RALYL: variants seen among roughly 807,000 people sequenced by gnomAD.
The protein encoded by RALYL is RALY RNA binding protein like.
A neutral mutation model predicts 35.1 loss-of-function variants in RALYL; 29 were observed. That is an observed-to-expected ratio of 0.83 (90% CI 0.61 to 1.13). The LOEUF (loss-of-function observed/expected upper bound fraction) is 1.13, where lower values mean the gene tolerates loss of function less well. Among genes scored for constraint, RALYL ranks in the 50% most tolerant of loss-of-function variants. The pLI, the probability that RALYL is intolerant of heterozygous loss-of-function variation, is 0.00. For missense variants in RALYL, 359 were observed against 360.4 expected (o/e 1.00, Z 0.03); for synonymous variants, 120 against 127.6 (o/e 0.94, Z 0.40).
At chr8:84,311,090 A>AAAAAAAAAAAAAAATAT (rs1554614840) in intron 1 of RALYL, among the ~76,000 whole-genome samples, 5 of 99,770 alleles carry the variant, frequency 5.0e-5, no homozygotes, top group South Asian at 2.9e-4. Flanking sequence ...AAAAAAAAAA[A>AAAAAAAAAAAAAAATAT]ATGTATATTA....
intron 3 of RALYL, among the ~76,000 whole-genome samples, chr8:84,780,333 C>T (rs1002062989): frequency 3.9e-5 from 6 of 152,198 alleles, no homozygotes; most frequent in African/African-American, 1.2e-4. Flanking sequence ...ATAGCAATTG[C>T]AGTCTCTTTC....
chr8:84,250,777 A>G (rs1349970748), intron 1 of RALYL, among the ~76,000 whole-genome samples: 2 of 152,142 alleles, frequency 1.3e-5, no homozygotes, highest in Admixed American at 6.6e-5. Flanking sequence ...GGAGACTTTT[A>G]CTAAAGATTT....
intron 1 of RALYL, among the ~76,000 whole-genome samples, chr8:84,234,916 G>A (rs551096741): frequency 2.0e-5 from 3 of 151,528 alleles, no homozygotes; most frequent in East Asian, 1.9e-4. Flanking sequence ...AGGTGGGCGC[G>A]ACCATGCCCG....
At chr8:84,538,986 T>A (rs1433330861) in intron 2 of RALYL, among the ~76,000 whole-genome samples, 1 of 152,210 alleles carries the variant, frequency 6.6e-6, no homozygotes, top group Non-Finnish European at 1.5e-5. Flanking sequence ...GCAAACAAAT[T>A]GAGTATAATC....
chr8:84,863,265 G>A (rs1379434505), intron 6 of RALYL, among the ~76,000 whole-genome samples: 1 of 152,196 alleles, frequency 6.6e-6, no homozygotes, highest in African/African-American at 2.4e-5. Flanking sequence ...AGGAAGTGAG[G>A]AAAAGAGAAA....
intron 2 of RALYL, among the ~76,000 whole-genome samples, chr8:84,577,685 C>T (rs1008085940): frequency 2.6e-5 from 4 of 151,862 alleles, no homozygotes; most frequent in African/African-American, 9.7e-5. Context: ...TCACTCTAGT[C>T]TCTGCTTTAA....
At position 84,241,549 on chromosome 8, in the gene RALYL, A is replaced by G. The variant is rs1164593555; in HGVS notation, c.-24+57125A>G. ...TCCCAGCACTTTGGGAGGCTGAGGC[A>G]GGCAGATCACGAGGTCAAGAGTTCA... is the stretch of plus-strand genomic sequence containing the variant. On this transcript the variant is annotated intron_variant, in intron 1 of 8. Transcript: ENST00000521268. 3.3e-5 allele frequency among the ~76,000 whole-genome samples: 5 copies of G among 152,126 alleles called. No homozygotes were observed. The East Asian group carries it at 9.7e-4, about 30-fold the overall frequency.
rs191090374 is a variant in RALYL at position 84,475,733 on chromosome 8, T to C, written c.-23-53566T>C. 2.5e-3 allele frequency among the ~76,000 whole-genome samples: 376 copies of C among 152,330 alleles called. 13 individuals are homozygous for C. The highest frequency in any genetic ancestry group is 0.021 in the Admixed American group (329 of 15,306). Reference sequence around the variant, plus strand: ...TTGAATCTTGTGGCTAAGAAGTTATTGAAGGTATGGTCTCCAGAATTTGTT... The same window carrying C: ...TTGAATCTTGTGGCTAAGAAGTTATCGAAGGTATGGTCTCCAGAATTTGTT... On this transcript the variant is annotated intron_variant, in intron 1 of 8. Coordinates refer to ENST00000521268, the MANE Select transcript of RALYL (RefSeq NM_173848.7).
At chr8:84,809,636 T>C (rs1825457920) in intron 4 of RALYL, among the ~76,000 whole-genome samples, 1 of 152,118 alleles carries the variant, frequency 6.6e-6, no homozygotes, top group Admixed American at 6.5e-5. Flanking sequence ...TGGTAATTTT[T>C]AAATTACCAT....
At chr8:84,464,748 G>T (rs1316998215) in intron 1 of RALYL, among the ~76,000 whole-genome samples, 1 of 151,434 alleles carries the variant, frequency 6.6e-6, no homozygotes, top group African/African-American at 2.4e-5. Flanking sequence ...CTAGTTTACA[G>T]TCCCACCAAC....
intron 1 of RALYL, among the ~76,000 whole-genome samples, chr8:84,222,314 T>C (rs1042310861): frequency 6.6e-6 from 1 of 152,170 alleles, no homozygotes; most frequent in Non-Finnish European, 1.5e-5. Context: ...TCACATTCAA[T>C]TTTCTATGTT....
intron 4 of RALYL, among the ~76,000 whole-genome samples, chr8:84,841,846 A>G (rs1424570108): frequency 1.3e-5 from 2 of 152,228 alleles, no homozygotes; most frequent in Non-Finnish European, 2.9e-5. Flanking sequence ...ATGGAAACTG[A>G]ACAACCTGCT....
chr8:84,688,349 A>G (rs893589948), intron 2 of RALYL, among the ~76,000 whole-genome samples: 7 of 152,138 alleles, frequency 4.6e-5, no homozygotes, highest in African/African-American at 9.6e-5. Context: ...TGTTGTAGTA[A>G]TCGAAACAGC....
chr8:84,185,063 T>C, intron 1 of RALYL: 1 of 1,595,496 alleles, frequency 6.3e-7, no homozygotes, highest in Non-Finnish European at 8.6e-7. Flanking sequence ...TTTGCTTTCT[T>C]AGGGATGCTG....
At chr8:84,871,622 A>G (rs1840205015) in intron 6 of RALYL, among the ~76,000 whole-genome samples, 1 of 152,172 alleles carries the variant, frequency 6.6e-6, no homozygotes, top group South Asian at 2.1e-4. Context: ...GATGTCTTTG[A>G]AGTAATTGAC....
At chr8:84,367,539 T>C (rs1298715198) in intron 1 of RALYL, among the ~76,000 whole-genome samples, 1 of 151,568 alleles carries the variant, frequency 6.6e-6, no homozygotes, top group African/African-American at 2.4e-5. Flanking sequence ...TTTCATATCT[T>C]TCAATAAGGT....
chr8:84,283,593 T>C (rs1359044022), intron 1 of RALYL, among the ~76,000 whole-genome samples: 1 of 152,136 alleles, frequency 6.6e-6, no homozygotes, highest in Admixed American at 6.6e-5. Flanking sequence ...TAGGTCCTTA[T>C]TTAGTCACTG....
intron 1 of RALYL, among the ~76,000 whole-genome samples, chr8:84,384,146 A>G (rs554692921): frequency 3.9e-5 from 6 of 151,904 alleles, no homozygotes; most frequent in Non-Finnish European, 8.8e-5. Flanking sequence ...ATATTACACA[A>G]TCACTTTAAA....
At chr8:84,660,309 T>A (rs1830668966) in intron 2 of RALYL, among the ~76,000 whole-genome samples, 1 of 152,090 alleles carries the variant, frequency 6.6e-6, no homozygotes, top group African/African-American at 2.4e-5. Flanking sequence ...GTTTATTAAG[T>A]AGTTTATGTT....
Sources: gnomAD v4.1 joint callset for allele counts (sites outside exome capture counted in the v4.1 genomes callset) on GRCh38, gnomAD v4.1.1 for gene constraint, MANE v1.5 for transcripts, NCBI Gene and HGNC (gene_info 2026-07-23, HGNC 2026-07-21) for gene names.